The following BTRC variants were observed in gnomAD, a reference collection of about 807,000 sequenced individuals.
The protein encoded by BTRC is beta-transducin repeat containing E3 ubiquitin protein ligase.
A neutral mutation model predicts 85.5 loss-of-function variants in BTRC; 42 were observed. The observed-to-expected ratio is 0.49, with a 90% confidence interval of 0.38 to 0.64. The LOEUF (loss-of-function observed/expected upper bound fraction) is 0.64. BTRC is among the 30% of genes least tolerant of loss of function. The pLI is 0.00. For missense variants in BTRC, 594 were observed against 743.5 expected, an observed-to-expected ratio of 0.80 and a Z score of 2.34; for synonymous variants, 255 against 263.3, an observed-to-expected ratio of 0.97 and a Z score of 0.30.
chr10:101,522,923 G>T lies in BTRC; in HGVS notation c.556+1053G>T, dbSNP rs79581511. Among the ~76,000 whole-genome samples the T allele has an allele frequency of 1.4e-4, 22 of 152,126 alleles. No individual in the cohort carries two copies. In the East Asian group the frequency reaches 3.5e-3, roughly 24 times the overall value. On this transcript the variant is annotated intron_variant, in intron 5 of 14. Coordinates refer to ENST00000370187, the MANE Select transcript of BTRC (RefSeq NM_033637.4). ...AACAGAATATTTAAATTCTACAGAT[G>T]GGTTGGGCACGGTGGCTCAGGCCTG...
At position 101,381,962 on chromosome 10, in the gene BTRC, C is replaced by CT. The variant is rs71016314; in HGVS notation, c.48+27772dup. Among the ~76,000 whole-genome samples, 187 of 49,156 alleles carry CT rather than the reference C, an allele frequency of 3.8e-3. 39 individuals carry two copies. The highest frequency in any genetic ancestry group is 7.5e-3 in the East Asian group (8 of 1,062). 32.2% of individuals were successfully genotyped at this position (49,156 alleles called of 152,430 possible). ...GAACCCCTAGTTATCCTAAGAATGTCTTTTTTTTTTTTTTTTTTTTTTTTT... is the reference window on the plus strand; with the variant it reads ...GAACCCCTAGTTATCCTAAGAATGTCTTTTTTTTTTTTTTTTTTTTTTTTTT... On this transcript the variant is annotated intron_variant, in intron 1 of 14. Transcript: ENST00000370187.
intron 13 of BTRC, among the ~76,000 whole-genome samples, chr10:101,544,567 G>A (rs1009939763): frequency 6.6e-6 from 1 of 151,806 alleles, no homozygotes; most frequent in African/African-American, 2.4e-5. Flanking sequence ...CACCATATCT[G>A]GCTAATTTTC....
At chr10:101,499,780 T>A (rs1175154225) in intron 4 of BTRC, among the ~76,000 whole-genome samples, 1 of 151,270 alleles carries the variant, frequency 6.6e-6, no homozygotes, top group African/African-American at 2.4e-5. Context: ...CACAGAAAGA[T>A]GAGGTTACAA....
At chr10:101,430,214 T>C in intron 1 of BTRC, 131 bp from the exon 2 acceptor site, 1 of 537,632 alleles carries the variant, frequency 1.9e-6, no homozygotes, top group Non-Finnish European at 3.2e-6. Flanking sequence ...GTAGTGTGTT[T>C]CTTAAAGATG....
At chr10:101,460,238 AAGTT>A (rs1945189161) in intron 2 of BTRC, among the ~76,000 whole-genome samples, 1 of 152,160 alleles carries the variant, frequency 6.6e-6, no homozygotes, top group South Asian at 2.1e-4. Flanking sequence ...TAAAAAAAAA[AAGTT>A]AAACATACAA....
At chr10:101,493,112 A>G (rs893283218) in intron 4 of BTRC, among the ~76,000 whole-genome samples, 1 of 152,240 alleles carries the variant, frequency 6.6e-6, no homozygotes, top group African/African-American at 2.4e-5. Context: ...GGTTATTTAT[A>G]AAAGACTAAT....
chr10:101,476,824 T>G (rs1177718742), intron 3 of BTRC, among the ~76,000 whole-genome samples: 1 of 152,220 alleles, frequency 6.6e-6, no homozygotes, highest in East Asian at 1.9e-4. Context: ...ACTGTTGGTT[T>G]TGAGTGTCTT....
At chr10:101,478,300 C>CAA (rs542191555) in intron 3 of BTRC, among the ~76,000 whole-genome samples, 1 of 126,448 alleles carries the variant, frequency 7.9e-6, no homozygotes, top group East Asian at 2.3e-4. Context: ...GACTCCATCT[C>CAA]AAAAAAAAAA....
chr10:101,471,440 T>A (rs1351097058), intron 3 of BTRC, among the ~76,000 whole-genome samples: 3 of 152,182 alleles, frequency 2.0e-5, no homozygotes, highest in African/African-American at 7.2e-5. Flanking sequence ...CTGAGATATA[T>A]AGGATTTTGC....
chr10:101,523,475 GAAAA>G (rs1263736131), intron 5 of BTRC, among the ~76,000 whole-genome samples: 1 of 151,932 alleles, frequency 6.6e-6, no homozygotes, highest in African/African-American at 2.4e-5. Flanking sequence ...TATTTTAAGA[GAAAA>G]AAATCATACC....
At chr10:101,459,809 A>T (rs1189789715) in intron 2 of BTRC, among the ~76,000 whole-genome samples, 1 of 152,166 alleles carries the variant, frequency 6.6e-6, no homozygotes, top group Non-Finnish European at 1.5e-5. Flanking sequence ...GGGTCAGTAA[A>T]AAGAAAATTG....
At chr10:101,418,274 A>G (rs1051871400) in intron 1 of BTRC, among the ~76,000 whole-genome samples, 42 of 152,248 alleles carry the variant, frequency 2.8e-4, no homozygotes, top group African/African-American at 9.6e-4. Flanking sequence ...AGGCTGAGGC[A>G]GGAGAATCGC....
intron 4 of BTRC, among the ~76,000 whole-genome samples, chr10:101,496,584 AAATAAT>A (rs971287111): frequency 2.0e-5 from 3 of 152,100 alleles, no homozygotes; most frequent in African/African-American, 7.2e-5. Context: ...GCAATTTAAA[AAATAAT>A]AATAATATAA....
chr10:101,526,056 G>C lies in BTRC; in HGVS notation c.600G>C (p.Leu200=). The C allele has an allele frequency of 6.2e-7, 1 of 1,614,120 alleles. No individual in the cohort carries two copies. Among genetic ancestry groups the C allele is most frequent in the East Asian group, 2.2e-5 (1 of 44,884 alleles). The change falls in exon 6 of 15, where the codon CTG becomes CTC. Residue 200 remains leucine (L), a synonymous_variant. Transcript: ENST00000370187. ...DHIAENILSY[L]DAKSLCAAEL... is the part of the protein sequence containing the mutation. ...TTGCTGAGAACATTCTGTCATACCT[G>C]GATGCCAAATCACTATGTGCTGCTG...
intron 13 of BTRC, among the ~76,000 whole-genome samples, chr10:101,546,917 T>A (rs1037648872): frequency 2.0e-5 from 3 of 152,250 alleles, no homozygotes; most frequent in Admixed American, 2.0e-4. Context: ...GCAGATCCAC[T>A]GGTGAATTCT....
Position 101,479,414 on chromosome 10 carries a change from G to A in BTRC, c.281G>A (p.Cys94Tyr). 1 of 1,613,434 alleles carries A rather than the reference G, an allele frequency of 6.2e-7. No individual in the cohort carries two copies. Among genetic ancestry groups the A allele is most frequent in the Non-Finnish European group, 8.5e-7 (1 of 1,179,564 alleles). The change falls in exon 4 of 15, where the codon TGT (cysteine) becomes TAT (tyrosine). Residue 94 changes from cysteine to tyrosine, a missense_variant. Cys to Tyr is a radical substitution (Grantham distance 194, BLOSUM62 -2). This residue lies in a region of BTRC where 163 missense variants were observed against 180.5 expected (regional missense o/e 0.90). Transcript: ENST00000370187. ...CTCTGCTTAAACCAAGAAACAGTAT[G>A]TTTAGCAAGCACTGCTATGAAGACT... ...ARLCLNQETV[C>Y]LASTAMKTEN...
chr10:101,499,498 G>C (rs914297184), intron 4 of BTRC, among the ~76,000 whole-genome samples: 1 of 151,858 alleles, frequency 6.6e-6, no homozygotes, highest in South Asian at 2.1e-4. Context: ...AAAGTGCTAG[G>C]ATTACAGGTA....
At chr10:101,473,431 G>A (rs993161845) in intron 3 of BTRC, among the ~76,000 whole-genome samples, 16 of 146,716 alleles carry the variant, frequency 1.1e-4, no homozygotes, top group Non-Finnish European at 1.8e-4. Context: ...CTACAGGTGT[G>A]CACCACTATA....
intron 1 of BTRC, among the ~76,000 whole-genome samples, chr10:101,357,440 C>CTAAA (rs1942072119): frequency 1.2e-5 from 1 of 85,788 alleles, no homozygotes; most frequent in Non-Finnish European, 2.2e-5. Context: ...GACTCTGTCT[C>CTAAA]AAAAAAAAAA....
Sources: gnomAD v4.1 joint callset for allele counts (sites outside exome capture counted in the v4.1 genomes callset) on GRCh38, gnomAD v4.1.1 for gene constraint, gnomAD v4.1.1 regional missense constraint, MANE v1.5 for transcripts, NCBI Gene and HGNC (gene_info 2026-07-23, HGNC 2026-07-21) for gene names.